GPR107: variants seen among roughly 807,000 people sequenced by gnomAD.
GPR107 encodes the protein protein GPR107.
GPR107 carries 31 observed loss-of-function variants against 75.5 expected under a neutral mutation model. The ratio of observed to expected loss-of-function variants is 0.41; its 90% CI spans 0.31 to 0.55. The LOEUF (loss-of-function observed/expected upper bound fraction) is 0.55. Ranked by LOEUF, GPR107 falls within the 20% of genes least tolerant of loss-of-function variation. The probability of loss-of-function intolerance (pLI) is 0.26; values close to 1 mark genes in which losing one functional copy is unlikely to be tolerated. For missense variants in GPR107, 572 were observed against 665.7 expected, an observed-to-expected ratio of 0.86 and a Z score of 1.55; for synonymous variants, 267 against 251.3, an observed-to-expected ratio of 1.06 and a Z score of -0.59.
intron 1 of GPR107, among the ~76,000 whole-genome samples, chr9:130,071,035 C>CTT (rs56799662): frequency 0.45 from 43,831 of 97,814 alleles, 11,890 homozygotes; most frequent in East Asian, 0.88. Context: ...TTTTTTTTTT[C>CTT]TTTTTTTTTT....
chr9:130,101,866 C>T (rs560106061), intron 12 of GPR107, among the ~76,000 whole-genome samples: 6 of 152,306 alleles, frequency 3.9e-5, no homozygotes, highest in South Asian at 4.1e-4. Flanking sequence ...TCCCTGTGAA[C>T]TTTTCTCACA....
intron 14 of GPR107, among the ~76,000 whole-genome samples, chr9:130,120,225 T>G (rs202107688): frequency 2.0e-5 from 3 of 152,206 alleles, no homozygotes; most frequent in African/African-American, 7.2e-5. Flanking sequence ...TGCGCCGTGG[T>G]GATGTTTCTT....
At chr9:130,075,594 A>G in intron 1 of GPR107, 42 bp from the exon 2 acceptor site, 1 of 1,015,574 alleles carries the variant, frequency 9.8e-7, no homozygotes, top group Admixed American at 1.7e-5. Flanking sequence ...AATCAAAAGC[A>G]CTTTTCCATA....
chr9:130,114,627 C>A, intron 14 of GPR107: 1 of 657,808 alleles, frequency 1.5e-6, no homozygotes, highest in African/African-American at 2.0e-5. Context: ...CTCTAGCTGT[C>A]CTCCTGCCTC....
chr9:130,114,424 G>A lies in GPR107; in HGVS notation c.1306+6885G>A, dbSNP rs150199225. 803 of 165,168 alleles carry A rather than the reference G, an allele frequency of 4.9e-3. 7 individuals are homozygous for A. Among genetic ancestry groups the A allele is most frequent in the African/African-American group, 0.018 (765 of 41,568 alleles). 10.2% of individuals were successfully genotyped at this position (165,168 alleles called of 1,614,324 possible). Reference sequence around the variant, plus strand: ...TTTTAGAGACAGGGTCCTGTGTCACGCAGGCTGGAGTGCAGTGGTGTGATC... The same window carrying A: ...TTTTAGAGACAGGGTCCTGTGTCACACAGGCTGGAGTGCAGTGGTGTGATC... On this transcript the variant is annotated intron_variant, in intron 14 of 17. Coordinates refer to ENST00000347136, the MANE Select transcript of GPR107 (RefSeq NM_020960.5).
At chr9:130,078,756 G>A (rs578011919) in intron 4 of GPR107, among the ~76,000 whole-genome samples, 14 of 152,274 alleles carry the variant, frequency 9.2e-5, no homozygotes, top group African/African-American at 3.1e-4. Context: ...CAGAGAGCAG[G>A]CTCCTCCTCC....
chr9:130,101,994 A>G (rs1251236246), intron 12 of GPR107, among the ~76,000 whole-genome samples: 3 of 152,182 alleles, frequency 2.0e-5, no homozygotes, highest in Non-Finnish European at 4.4e-5. Flanking sequence ...TCGGAGTTCT[A>G]ACAGACCTCA....
In GPR107 at chr9:130,112,603, T is replaced by C. The variant is rs1241156022; in HGVS notation, c.1306+5064T>C. On this transcript the variant is annotated intron_variant, in intron 14 of 17. Coordinates refer to ENST00000347136, the MANE Select transcript of GPR107 (RefSeq NM_020960.5). The surrounding 1 kb of genome is among the most constrained non-coding windows in gnomAD (Gnocchi z 4.0). The stretch of plus-strand genomic sequence containing the variant: ...TTAAATCTCAACCCTTGCCTTTTAA[T>C]ATTCTGTGAGACAGCATGGGAGGTG... 6.6e-6 allele frequency among the ~76,000 whole-genome samples: 1 copy of C among 152,228 alleles called. No homozygotes were observed. The highest frequency in any genetic ancestry group is 1.5e-5 in the Non-Finnish European group (1 of 68,044).
At position 130,126,629 on chromosome 9, in the gene GPR107, C is replaced by T. The variant is rs142172824; in HGVS notation, c.1357-854C>T. 8.2e-3 allele frequency among the ~76,000 whole-genome samples: 1,241 copies of T among 152,250 alleles called. 26 individuals are homozygous for T. The highest frequency in any genetic ancestry group is 0.029 in the African/African-American group (1,188 of 41,540). ...CCTCCCAAAGTGCTGGGATTATAGGCGTGAGCCATCGCGCCCGGCCCTGTT... is the reference window on the plus strand; with the variant it reads ...CCTCCCAAAGTGCTGGGATTATAGGTGTGAGCCATCGCGCCCGGCCCTGTT... On this transcript the variant is annotated intron_variant, in intron 15 of 17. Transcript: ENST00000347136.
chr9:130,079,062 G>T (rs567844026), intron 4 of GPR107, among the ~76,000 whole-genome samples: 15 of 152,134 alleles, frequency 9.9e-5, no homozygotes, highest in Non-Finnish European at 2.2e-4. Context: ...AGGTTCAAGC[G>T]ATTCTCCTGC....
Position 130,138,330 on chromosome 9 carries a change from G to A in GPR107, c.*3209G>A, listed in dbSNP as rs1022944463. ...GCCCAGGCAGCACACAGCCCTGTAAGTCCACCTCGTGTGGGTGAGATTTCC... is the reference window on the plus strand; with the variant it reads ...GCCCAGGCAGCACACAGCCCTGTAAATCCACCTCGTGTGGGTGAGATTTCC... On this transcript the variant is annotated 3_prime_UTR_variant, in exon 18 of 18. Coordinates refer to ENST00000347136, the MANE Select transcript of GPR107 (RefSeq NM_020960.5). 2.0e-5 allele frequency: 3 copies of A among 152,204 alleles called. No individual in the cohort carries two copies. The highest frequency in any genetic ancestry group is 4.4e-5 in the Non-Finnish European group (3 of 68,080). 9.4% of individuals were successfully genotyped at this position (152,204 alleles called of 1,614,324 possible). A position where few individuals can be genotyped will look rare whatever the true frequency, so the allele number is the denominator to read the frequency against.
At position 130,083,588 on chromosome 9, in the gene GPR107, A is replaced by G. The variant is rs754941928; in HGVS notation, c.550A>G (p.Thr184Ala). Residue 184 changes from threonine (T) to alanine (A), a missense_variant, in exon 6 of 18, where the codon ACA (threonine) becomes GCA (alanine). Physicochemically the swap from Thr to Ala is moderately conservative, Grantham distance 58 (BLOSUM62 0). Transcript: ENST00000347136. The stretch of plus-strand genomic sequence containing the variant: ...AGATGGTGGAAAGTCTAAAAGAAGT[A>G]CAGTGGATTCAAAGGTAAGAACTAA... ...TQDGGKSKRS[T>A]VDSKAMGEKS... 14 of 1,529,254 alleles carry G rather than the reference A, an allele frequency of 9.2e-6. No individual in the cohort carries two copies. Among genetic ancestry groups the G allele is most frequent in the Admixed American group, 7.4e-5 (3 of 40,548 alleles). 94.7% of individuals were successfully genotyped at this position (1,529,254 alleles called of 1,614,324 possible). A position where few individuals can be genotyped will look rare whatever the true frequency, so the allele number is the denominator to read the frequency against.
In GPR107 at chr9:130,135,291, A is replaced by G. The variant is rs782654919; in HGVS notation, c.*170A>G. On this transcript the variant is annotated 3_prime_UTR_variant, in exon 18 of 18. Transcript: ENST00000347136. The stretch of plus-strand genomic sequence containing the variant: ...GAAACCTGATTTTGTACTCTCTTTT[A>G]TGGAAACGATCTGTGGCTGTTTAGA... 8 of 460,302 alleles carry G rather than the reference A, an allele frequency of 1.7e-5. No individual in the cohort carries two copies. Among genetic ancestry groups the G allele is most frequent in the African/African-American group, 4.1e-5 (2 of 48,618 alleles). 28.5% of individuals were successfully genotyped at this position (460,302 alleles called of 1,614,324 possible).
chr9:130,064,698 T>C (rs1017129313), intron 1 of GPR107, among the ~76,000 whole-genome samples: 2 of 152,198 alleles, frequency 1.3e-5, no homozygotes, highest in African/African-American at 4.8e-5. Context: ...ATAGTGTCTT[T>C]GCAGTTAACA....
chr9:130,122,252 G>A (rs564436517), intron 14 of GPR107, among the ~76,000 whole-genome samples: 2 of 152,180 alleles, frequency 1.3e-5, no homozygotes, highest in Admixed American at 1.3e-4. Flanking sequence ...GTGCTGTGAA[G>A]AATCGAGTGT....
At chr9:130,114,051 A>ATTTTTT (rs35152076) in intron 14 of GPR107, among the ~76,000 whole-genome samples, 85 of 81,154 alleles carry the variant, frequency 1.0e-3, no homozygotes, top group Middle Eastern at 7.2e-3. Flanking sequence ...TTTTTTTTTC[A>ATTTTTT]TTTTTTTTTT....
At chr9:130,074,734 G>A (rs775033424) in intron 1 of GPR107, among the ~76,000 whole-genome samples, 1 of 151,994 alleles carries the variant, frequency 6.6e-6, no homozygotes, top group Non-Finnish European at 1.5e-5. Context: ...ATCATCTACT[G>A]TATCACTTTT....
intron 7 of GPR107, among the ~76,000 whole-genome samples, chr9:130,088,166 C>T: frequency 6.6e-6 from 1 of 152,190 alleles, no homozygotes; most frequent in East Asian, 1.9e-4. Flanking sequence ...TCCCACTGGT[C>T]TGCAAGGCCC....
At chr9:130,104,614 G>T in intron 13 of GPR107, 64 bp downstream of exon 13, 1 of 1,389,122 alleles carries the variant, frequency 7.2e-7, no homozygotes, top group Admixed American at 1.7e-5. Flanking sequence ...TAGCTGAACT[G>T]GCCATTCCCA....
Sources: allele counts gnomAD v4.1 joint callset (sites outside exome capture counted in the v4.1 genomes callset), GRCh38; gene constraint gnomAD v4.1.1; non-coding constraint Gnocchi (gnomAD v3.1); transcripts MANE v1.5; gene names NCBI Gene and HGNC (gene_info 2026-07-23, HGNC 2026-07-21).